Variants in MGST1 observed in about 807,000 individuals in gnomAD.
MGST1 encodes glutathione S-transferase 12.
In MGST1, 5 loss-of-function variants were observed where a neutral mutation model predicts 8.9. The ratio of observed to expected loss-of-function variants is 0.56; its 90% CI spans 0.29 to 1.19. MGST1 has a LOEUF of 1.19. MGST1 is among the 50% of genes most tolerant of loss of function. The pLI is 0.08. For missense variants in MGST1, 182 were observed against 187.4 expected (o/e 0.97, Z 0.17); for synonymous variants, 54 against 67.8 (o/e 0.80, Z 1.00).
At chr12:16,543,353 G>C (rs556832422) in intron 4 of MGST1, among the ~76,000 whole-genome samples, 1 of 151,912 alleles carries the variant, frequency 6.6e-6, no homozygotes. Flanking sequence ...CTCTGACTAC[G>C]GCCTGAATCC....
intron 4 of MGST1, among the ~76,000 whole-genome samples, chr12:16,479,022 G>A (rs530975422): frequency 4.6e-5 from 7 of 151,886 alleles, no homozygotes; most frequent in South Asian, 4.2e-4. Context: ...GAATTTACCC[G>A]TTCTGGGTAT....
intron 4 of MGST1, among the ~76,000 whole-genome samples, chr12:16,465,497 G>T (rs898501148): frequency 1.3e-5 from 2 of 152,010 alleles, no homozygotes; most frequent in African/African-American, 2.4e-5. Flanking sequence ...CCTGAGCTCC[G>T]CCTCCTGTCA....
At chr12:16,574,368 G>A (rs1942926604) in intron 4 of MGST1, among the ~76,000 whole-genome samples, 1 of 152,142 alleles carries the variant, frequency 6.6e-6, no homozygotes, top group East Asian at 1.9e-4. Context: ...GTGCAGAGAG[G>A]AGAGACCTTC....
chr12:16,435,832 G>T (rs1173935749), intron 1 of MGST1, among the ~76,000 whole-genome samples: 3 of 152,020 alleles, frequency 2.0e-5, no homozygotes, highest in South Asian at 4.1e-4. Flanking sequence ...ATCTAATGTT[G>T]TCTTGTACTT....
At chr12:16,530,163 G>A (rs936867424) in intron 4 of MGST1, among the ~76,000 whole-genome samples, 9 of 152,056 alleles carry the variant, frequency 5.9e-5, no homozygotes, top group Non-Finnish European at 1.0e-4. Flanking sequence ...CATATAAAAC[G>A]TTAATAAAAA....
intron 1 of MGST1, among the ~76,000 whole-genome samples, chr12:16,352,489 G>T (rs952992350): frequency 6.6e-6 from 1 of 152,144 alleles, no homozygotes; most frequent in African/African-American, 2.4e-5. Flanking sequence ...GAGAAAAGTT[G>T]TGTGTGTTCT....
intron 4 of MGST1, among the ~76,000 whole-genome samples, chr12:16,465,448 C>T (rs1341428249): frequency 6.6e-6 from 1 of 152,116 alleles, no homozygotes; most frequent in Non-Finnish European, 1.5e-5. Context: ...GGAACTGGAT[C>T]GCATAGCAGG....
intron 4 of MGST1, among the ~76,000 whole-genome samples, chr12:16,515,732 C>T (rs978598918): frequency 3.3e-5 from 5 of 151,996 alleles, no homozygotes; most frequent in Non-Finnish European, 7.4e-5. Context: ...AGTAGGTAAC[C>T]ACACTTTATC....
Position 16,482,219 on chromosome 12 carries a change from T to G in MGST1, n.482+98615T>G, listed in dbSNP as rs73318799. ...TTCTGAACTTCTGGCAGGAGGAAAA[T>G]TATCTCAGATGGAAGGTCAAGAGAG... On this transcript the variant is annotated intron_variant and non_coding_transcript_variant, in intron 4 of 4. Coordinates refer to the MGST1 transcript ENST00000538857. This position sits in a 1 kb window ranked among gnomAD's most constrained non-coding sequence, Gnocchi z 4.2. 6.1e-3 allele frequency among the ~76,000 whole-genome samples: 927 copies of G among 152,142 alleles called. 12 individuals are homozygous for G. Among genetic ancestry groups the G allele is most frequent in the African/African-American group, 0.021 (867 of 41,500 alleles).
rs778968581 is a variant in MGST1, at chr12:16,547,169, C to T, written n.483-42359C>T. ...TAAACCCTAGGCATTCTGAAATCTT[C>T]GTTTATGATACTAATCACACAATTA... On this transcript the variant is annotated intron_variant and non_coding_transcript_variant, in intron 4 of 4. Transcript: ENST00000538857. This position sits in a 1 kb window ranked among gnomAD's most constrained non-coding sequence, Gnocchi z 4.6. 6.6e-6 allele frequency among the ~76,000 whole-genome samples: 1 copy of T among 152,098 alleles called. No homozygotes were observed. Among genetic ancestry groups the T allele is most frequent in the Non-Finnish European group, 1.5e-5 (1 of 68,024 alleles).
intron 4 of MGST1, among the ~76,000 whole-genome samples, chr12:16,567,100 C>A (rs907995618): frequency 1.3e-5 from 2 of 151,956 alleles, no homozygotes; most frequent in Non-Finnish European, 2.9e-5. Context: ...GGAGGCTGAG[C>A]CAGGAGAATC....
At chr12:16,348,727 G>C (rs1939312060) in intron 1 of MGST1, among the ~76,000 whole-genome samples, 8 of 150,442 alleles carry the variant, frequency 5.3e-5, no homozygotes. Context: ...CTTGGCCTTA[G>C]GATAGTACTG....
intron 4 of MGST1, among the ~76,000 whole-genome samples, chr12:16,492,811 T>A (rs1941448218): frequency 6.6e-6 from 1 of 152,160 alleles, no homozygotes; most frequent in Non-Finnish European, 1.5e-5. Flanking sequence ...TTTTCAGACA[T>A]AATTTGGCCC....
At chr12:16,563,594 C>T (rs1355504927) in intron 4 of MGST1, among the ~76,000 whole-genome samples, 1 of 151,998 alleles carries the variant, frequency 6.6e-6, no homozygotes, top group Non-Finnish European at 1.5e-5. Context: ...GTAACCTCTT[C>T]CTCTGCACTC....
chr12:16,360,980 T>C (rs971062614), intron 3 of MGST1, among the ~76,000 whole-genome samples: 3 of 144,132 alleles, frequency 2.1e-5, no homozygotes, highest in Admixed American at 6.9e-5. Context: ...TTTATAGTGT[T>C]CCCCCCCTCC....
At chr12:16,438,451 T>C (rs146318848) in exon 2 of MGST1, 112 of 151,936 alleles carry the variant, frequency 7.4e-4, no homozygotes, top group African/African-American at 2.7e-3. Flanking sequence ...AGAAAAGGGG[T>C]TTCAGACGTT....
intron 1 of MGST1, chr12:16,399,697 C>A (rs1229990558): frequency 7.6e-6 from 10 of 1,320,402 alleles, no homozygotes; most frequent in Non-Finnish European, 1.1e-5. Flanking sequence ...CCCTCAGGGT[C>A]ATCAACAATG....
rs1942993821 is a variant in MGST1, at chr12:16,576,286, C to G, written n.483-13242C>G. Reference sequence around the variant, plus strand: ...GGGAAGCATGAAAGGTCCATCCTGTCTGTCTTCTTTTCTGTCTTCTATCCC... The same window carrying G: ...GGGAAGCATGAAAGGTCCATCCTGTGTGTCTTCTTTTCTGTCTTCTATCCC... On this transcript the variant is annotated intron_variant and non_coding_transcript_variant, in intron 4 of 4. Transcript: ENST00000538857. This position sits in a 1 kb window ranked among gnomAD's most constrained non-coding sequence, Gnocchi z 4.1. Among the ~76,000 whole-genome samples the G allele has an allele frequency of 6.6e-6, 1 of 152,166 alleles. No individual in the cohort carries two copies. The highest frequency in any genetic ancestry group is 2.1e-4 in the South Asian group (1 of 4,820).
chr12:16,372,143 G>A (rs895515324), intron 3 of MGST1, among the ~76,000 whole-genome samples: 3 of 151,940 alleles, frequency 2.0e-5, no homozygotes, highest in African/African-American at 7.2e-5. Context: ...CTTGACTAAA[G>A]CCTCAAAAAC....
Sources: gnomAD v4.1 joint callset for allele counts (sites outside exome capture counted in the v4.1 genomes callset) on GRCh38, gnomAD v4.1.1 for gene constraint, Gnocchi (gnomAD v3.1) non-coding constraint, MANE v1.5 for transcripts, NCBI Gene and HGNC (gene_info 2026-07-23, HGNC 2026-07-21) for gene names.